Variants in MAGI2 observed in about 807,000 individuals in gnomAD.
MAGI2 encodes membrane associated guanylate kinase, WW and PDZ domain containing 2.
MAGI2 carries 35 observed loss-of-function variants against 133.3 expected under a neutral mutation model. That is an observed-to-expected ratio of 0.26 (90% confidence interval 0.20 to 0.35). The LOEUF (loss-of-function observed/expected upper bound fraction) is 0.35. Among genes scored for constraint, MAGI2 ranks in the 10% least tolerant of loss-of-function variants. MAGI2 has a pLI of 1.00. For missense variants in MAGI2, 1,636 were observed against 1,863.4 expected, an observed-to-expected ratio of 0.88 and a Z score of 2.25; for synonymous variants, 729 against 710.6, an observed-to-expected ratio of 1.03 and a Z score of -0.41.
chr7:78,279,224 G>A (rs1795323831), intron 9 of MAGI2, among the ~76,000 whole-genome samples: 1 of 152,112 alleles, frequency 6.6e-6, no homozygotes, highest in African/African-American at 2.4e-5. Context: ...TCAAACGGTG[G>A]TATCAGAACT....
At chr7:79,370,079 T>C (rs536938873) in intron 1 of MAGI2, among the ~76,000 whole-genome samples, 36 of 152,250 alleles carry the variant, frequency 2.4e-4, no homozygotes, top group Non-Finnish European at 5.3e-4. Flanking sequence ...TGGACAAGGA[T>C]AGATGTGAGA....
At chr7:78,751,638 A>G (rs2151279264) in intron 2 of MAGI2, among the ~76,000 whole-genome samples, 1 of 152,384 alleles carries the variant, frequency 6.6e-6, no homozygotes, top group East Asian at 1.9e-4. Context: ...TTTAACAGCA[A>G]CAAAGGGAAT....
chr7:78,652,839 G>A (rs553937273), intron 2 of MAGI2, among the ~76,000 whole-genome samples: 11 of 151,926 alleles, frequency 7.2e-5, no homozygotes, highest in Non-Finnish European at 1.0e-4. Flanking sequence ...TCATCAGAGT[G>A]AACAGGCAAC....
chr7:79,391,488 C>CATAT (rs66941748), intron 1 of MAGI2, among the ~76,000 whole-genome samples: 8 of 119,336 alleles, frequency 6.7e-5, no homozygotes, highest in South Asian at 5.4e-4. Flanking sequence ...TTACCTTTAA[C>CATAT]ATATATATAT....
chr7:78,308,378 G>C (rs1798414763), intron 9 of MAGI2, among the ~76,000 whole-genome samples: 1 of 152,112 alleles, frequency 6.6e-6, no homozygotes, highest in Non-Finnish European at 1.5e-5. Flanking sequence ...CATTCGGAGT[G>C]GGGTATCCCC....
chr7:79,212,189 A>G (rs1829556941), intron 1 of MAGI2, among the ~76,000 whole-genome samples: 1 of 152,096 alleles, frequency 6.6e-6, no homozygotes, highest in East Asian at 1.9e-4. Flanking sequence ...ATCAGAATAC[A>G]AAGATGTTGC....
chr7:79,147,747 G>A (rs1027979146), intron 1 of MAGI2, among the ~76,000 whole-genome samples: 1 of 144,850 alleles, frequency 6.9e-6, no homozygotes, highest in African/African-American at 2.9e-5. Context: ...TTGCCCCAGG[G>A]AATGGAGCAG....
intron 6 of MAGI2, among the ~76,000 whole-genome samples, chr7:78,397,720 G>T (rs1326507293): frequency 6.6e-6 from 1 of 152,076 alleles, no homozygotes; most frequent in Non-Finnish European, 1.5e-5. Context: ...AAATCAAGAA[G>T]ATGGTGACTC....
chr7:78,551,933 C>T (rs761354044), intron 3 of MAGI2, among the ~76,000 whole-genome samples: 17 of 152,050 alleles, frequency 1.1e-4, no homozygotes, highest in Non-Finnish European at 2.5e-4. Flanking sequence ...TTTGTAAAGA[C>T]AAAGTTTTGC....
intron 2 of MAGI2, among the ~76,000 whole-genome samples, chr7:78,957,667 C>T (rs77434571): frequency 0.023 from 3,547 of 152,122 alleles, 129 homozygotes; most frequent in African/African-American, 0.08. Context: ...GTTATAATTT[C>T]GTTTTTACAG....
chr7:78,886,521 A>G (rs1292826028), intron 2 of MAGI2, among the ~76,000 whole-genome samples: 2 of 152,312 alleles, frequency 1.3e-5, no homozygotes, highest in Non-Finnish European at 2.9e-5. Flanking sequence ...CTCCACAAAT[A>G]TCTAGGCAAG....
chr7:78,875,227 G>C (rs369672202), intron 2 of MAGI2, among the ~76,000 whole-genome samples: 4 of 152,152 alleles, frequency 2.6e-5, no homozygotes, highest in Non-Finnish European at 5.9e-5. Context: ...ATTTCACCAG[G>C]TGAGATCTGA....
chr7:78,254,215 A>G (rs1007477085), intron 10 of MAGI2: 2 of 152,238 alleles, frequency 1.3e-5, no homozygotes, highest in African/African-American at 4.8e-5. Context: ...ACAAATTACC[A>G]TAATGTAAAT....
chr7:78,531,321 C>T (rs1469253352), intron 3 of MAGI2, among the ~76,000 whole-genome samples: 1 of 150,258 alleles, frequency 6.7e-6, no homozygotes, highest in African/African-American at 2.5e-5. Context: ...TCAAGCGATT[C>T]TCCTGCCTCA....
intron 1 of MAGI2, among the ~76,000 whole-genome samples, chr7:79,052,029 G>T (rs753552191): frequency 4.1e-4 from 63 of 152,056 alleles, no homozygotes; most frequent in South Asian, 8.3e-4. Flanking sequence ...TCCTTTTTGG[G>T]TATAGTTCCT....
chr7:79,364,738 A>G (rs1489179279), intron 1 of MAGI2, among the ~76,000 whole-genome samples: 1 of 152,072 alleles, frequency 6.6e-6, no homozygotes, highest in African/African-American at 2.4e-5. Flanking sequence ...TGGCAAAAAA[A>G]CTGATGTGAA....
intron 10 of MAGI2, among the ~76,000 whole-genome samples, chr7:78,230,280 A>G (rs1789832262): frequency 6.6e-6 from 1 of 152,244 alleles, no homozygotes; most frequent in Non-Finnish European, 1.5e-5. Context: ...TTGATAATTT[A>G]AAGTTACATA....
At chr7:78,073,029 T>G (rs1814878700) in intron 21 of MAGI2, 3 of 398,354 alleles carry the variant, frequency 7.5e-6, no homozygotes, top group African/African-American at 2.1e-5. Flanking sequence ...AGGCCAGTAC[T>G]GCTTCACCTG....
intron 2 of MAGI2, among the ~76,000 whole-genome samples, chr7:78,849,085 A>G (rs1273624928): frequency 6.6e-6 from 1 of 152,128 alleles, no homozygotes. Context: ...TTAAGGATTT[A>G]GAAACTCTAT....
Sources: allele counts gnomAD v4.1 joint callset (sites outside exome capture counted in the v4.1 genomes callset), GRCh38; gene constraint gnomAD v4.1.1; transcripts MANE v1.5; gene names NCBI Gene and HGNC (gene_info 2026-07-23, HGNC 2026-07-21).